The following MAU2 variants were observed in gnomAD, a reference collection of about 807,000 sequenced individuals.
MAU2 encodes MAU2 sister chromatid cohesion factor.
A neutral mutation model predicts 89.1 loss-of-function variants in MAU2; 9 were observed. The ratio of observed to expected loss-of-function variants is 0.10; its 90% CI spans 0.06 to 0.18. The LOEUF is 0.18. Among genes scored for constraint, MAU2 ranks in the 10% least tolerant of loss-of-function variants. The probability of loss-of-function intolerance (pLI) is 1.00; values close to 1 mark genes in which losing one functional copy is unlikely to be tolerated. For synonymous variants in MAU2, 357 were observed against 343.4 expected, an observed-to-expected ratio of 1.04 and a Z score of -0.44; for missense variants, 425 against 803.5, an observed-to-expected ratio of 0.53 and a Z score of 5.69.
Position 19,355,834 on chromosome 19 carries a change from A to AT in MAU2, c.*52_*53insT. On this transcript the variant is annotated 3_prime_UTR_variant, in exon 19 of 19. Coordinates refer to ENST00000262815, the MANE Select transcript of MAU2 (RefSeq NM_015329.4). ...CAGGGCCTGCGCGTCTCCGGCTTCC[A>AT]CCCAGACGGCACTCAAGCCTGCCCC... 1 of 1,518,900 alleles carries AT rather than the reference A, an allele frequency of 6.6e-7. No individual in the cohort carries two copies. The highest frequency in any genetic ancestry group is 9.0e-7 in the Non-Finnish European group (1 of 1,106,872). 94.1% of individuals were successfully genotyped at this position (1,518,900 alleles called of 1,614,324 possible). A position where few individuals can be genotyped will look rare whatever the true frequency, so the allele number is the denominator to read the frequency against.
intron 1 of MAU2, among the ~76,000 whole-genome samples, chr19:19,331,348 A>C (rs1159145820): frequency 1.3e-5 from 2 of 151,866 alleles, no homozygotes; most frequent in Non-Finnish European, 2.9e-5. Flanking sequence ...AAATACAAAG[A>C]AAAATTAGCC....
At chr19:19,322,966 C>T (rs2061473752) in intron 1 of MAU2, among the ~76,000 whole-genome samples, 1 of 152,072 alleles carries the variant, frequency 6.6e-6, no homozygotes, top group African/African-American at 2.4e-5. Flanking sequence ...TCTCAGCCCA[C>T]TGCAACCTCC....
At chr19:19,347,204 T>C in intron 12 of MAU2, 76 bp from the exon 13 acceptor site, 1 of 855,588 alleles carries the variant, frequency 1.2e-6, no homozygotes, top group Non-Finnish European at 2.0e-6. Flanking sequence ...TCCGTGGAGA[T>C]TGTGGGTGCT....
At chr19:19,351,718 A>G (rs1387083717) in intron 16 of MAU2, among the ~76,000 whole-genome samples, 1 of 151,974 alleles carries the variant, frequency 6.6e-6, no homozygotes, top group Non-Finnish European at 1.5e-5. Context: ...AAAATATGAC[A>G]TGTTCATAAT....
At chr19:19,338,545 A>G (rs905334615) in intron 4 of MAU2, among the ~76,000 whole-genome samples, 1 of 152,252 alleles carries the variant, frequency 6.6e-6, no homozygotes, top group Non-Finnish European at 1.5e-5. Context: ...AGGTGCTCAC[A>G]CAGCCTTGGG....
chr19:19,342,689 C>G lies in MAU2; in HGVS notation c.882+8C>G, dbSNP rs1342748260. 6.2e-7 allele frequency: 1 copy of G among 1,613,112 alleles called. No homozygotes were observed. The highest frequency in any genetic ancestry group is 1.7e-5 in the Admixed American group (1 of 60,002). ...TGTGTGCTTGTCTACCTGGTGCGTC[C>G]CCACCAGGGCCCGGGCCAGGGCTGG... On this transcript the variant is annotated splice_region_variant and intron_variant, in intron 8 of 18. Transcript: ENST00000262815.
At chr19:19,331,492 A>T (rs1001065386) in intron 1 of MAU2, among the ~76,000 whole-genome samples, 38 of 120,426 alleles carry the variant, frequency 3.2e-4, no homozygotes, top group Non-Finnish European at 7.1e-4. Context: ...ACAGAGTGCA[A>T]CTCCGTCTCA....
chr19:19,339,091 T>A, intron 5 of MAU2, 152 bp downstream of exon 5: 1 of 624,544 alleles, frequency 1.6e-6, no homozygotes, highest in South Asian at 2.1e-5. Flanking sequence ...GGTAGGAGGA[T>A]CACTTGAGCC....
At chr19:19,347,170 G>A (rs2061699830) in intron 12 of MAU2, 110 bp from the exon 13 acceptor site, 1 of 721,896 alleles carries the variant, frequency 1.4e-6, no homozygotes, top group Non-Finnish European at 2.5e-6. Context: ...GAAATGAAAA[G>A]AACAAGTCTT....
intron 1 of MAU2, among the ~76,000 whole-genome samples, chr19:19,326,706 A>ATATATATATACG (rs1555792839): frequency 1.1e-5 from 1 of 86,984 alleles, no homozygotes; most frequent in African/African-American, 3.5e-5. Flanking sequence ...ATATATGTAT[A>ATATATATATACG]TATATATATA....
chr19:19,345,477 G>A lies in MAU2; in HGVS notation c.1221+108G>A, dbSNP rs2061685797. ...AGTCGCGCTAGGTCAGCTATGCAAA[G>A]CCGCAGCCCCAGAGGCAATGCACAG... On this transcript the variant is annotated intron_variant, in intron 12 of 18. Transcript: ENST00000262815. The surrounding 1 kb of genome is among the most constrained non-coding windows in gnomAD (Gnocchi z 4.9). The A allele has an allele frequency of 1.9e-6, 2 of 1,072,572 alleles. No homozygotes were observed. The highest frequency in any genetic ancestry group is 2.8e-6 in the Non-Finnish European group (2 of 709,132). The allele number at this position is 1,072,572 out of a possible 1,614,324, so 66.4% of individuals were successfully genotyped here.
chr19:19,338,627 A>G (rs2061615694), intron 4 of MAU2, among the ~76,000 whole-genome samples: 2 of 152,252 alleles, frequency 1.3e-5, no homozygotes, highest in Non-Finnish European at 2.9e-5. Flanking sequence ...TGCAGGCACC[A>G]TTCAGTTTAG....
At chr19:19,349,918 C>T (rs558002123) in intron 16 of MAU2, among the ~76,000 whole-genome samples, 1 of 151,886 alleles carries the variant, frequency 6.6e-6, no homozygotes, top group South Asian at 2.1e-4. Flanking sequence ...CTGGCCGCCT[C>T]AGTCCTTCCT....
chr19:19,326,623 T>C (rs1364665133), intron 1 of MAU2, among the ~76,000 whole-genome samples: 2 of 148,830 alleles, frequency 1.3e-5, no homozygotes, highest in African/African-American at 4.9e-5. Context: ...GCGGCGGAGC[T>C]TGCAGTGAGC....
At chr19:19,342,993 G>A (rs1247070124) in intron 9 of MAU2, 127 bp downstream of exon 9, 2 of 930,826 alleles carry the variant, frequency 2.1e-6, no homozygotes, top group Non-Finnish European at 1.7e-6. Context: ...TGCCTGGTGG[G>A]TCTCGTCACC....
At chr19:19,349,975 A>ATTT (rs34536394) in intron 16 of MAU2, among the ~76,000 whole-genome samples, 23 of 111,224 alleles carry the variant, frequency 2.1e-4, no homozygotes, top group African/African-American at 6.4e-4. Flanking sequence ...GAGGTCTTGA[A>ATTT]TTTTTTTTTT....
At position 19,345,287 on chromosome 19, in the gene MAU2, A is replaced by C. The variant is rs144913439; in HGVS notation, c.1156-17A>C. On this transcript the variant is annotated splice_polypyrimidine_tract_variant and intron_variant, in intron 11 of 18. Coordinates refer to ENST00000262815, the MANE Select transcript of MAU2 (RefSeq NM_015329.4). The surrounding 1 kb of genome is among the most constrained non-coding windows in gnomAD (Gnocchi z 4.9). ...TCCCCAGGGGCCGGCCCTGATGACA[A>C]CACCACCTTCTTCCAGGGCCTGTAC... is the stretch of plus-strand genomic sequence containing the variant. 3.8e-3 allele frequency: 6,161 copies of C among 1,612,730 alleles called. 101 individuals carry two copies. The highest frequency in any genetic ancestry group is 0.032 in the South Asian group (2,911 of 91,058).
intron 1 of MAU2, among the ~76,000 whole-genome samples, chr19:19,327,645 G>T (rs1364308630): frequency 6.6e-6 from 1 of 151,916 alleles, no homozygotes; most frequent in East Asian, 1.9e-4. Context: ...TTAGAGATGG[G>T]GTTTCACTAT....
rs1379115474 is a variant in MAU2 at position 19,356,204 on chromosome 19, C to G, written c.*422C>G. ...GATGCCGAGCGGGAGTAGAGTGTTT[C>G]CTCTGCTCAAGGCAATTTCCAGAGC... On this transcript the variant is annotated 3_prime_UTR_variant, in exon 19 of 19. Coordinates refer to ENST00000262815, the MANE Select transcript of MAU2 (RefSeq NM_015329.4). 1 of 368,392 alleles carries G rather than the reference C, an allele frequency of 2.7e-6. No individual in the cohort carries two copies. Among genetic ancestry groups the G allele is most frequent in the Non-Finnish European group, 5.4e-6 (1 of 186,344 alleles). 22.8% of individuals were successfully genotyped at this position (368,392 alleles called of 1,614,324 possible). A position where few individuals can be genotyped will look rare whatever the true frequency, so the allele number is the denominator to read the frequency against.
Sources: allele counts gnomAD v4.1 joint callset (sites outside exome capture counted in the v4.1 genomes callset), GRCh38; gene constraint gnomAD v4.1.1; non-coding constraint Gnocchi (gnomAD v3.1); transcripts MANE v1.5; gene names NCBI Gene and HGNC (gene_info 2026-07-23, HGNC 2026-07-21).